Variants in N4BP3 observed in about 807,000 individuals in gnomAD.
N4BP3 encodes NEDD4-binding protein 3.
In N4BP3, 33 loss-of-function variants were observed where a neutral mutation model predicts 43.8. That is an observed-to-expected ratio of 0.75 (90% CI 0.57 to 1.01). The LOEUF is 1.01. N4BP3 is among the 50% of genes least tolerant of loss of function. The pLI, the probability that N4BP3 is intolerant of heterozygous loss-of-function variation, is 0.00. For missense variants in N4BP3, 756 were observed against 744.2 expected (o/e 1.02, Z -0.18); for synonymous variants, 326 against 321.9 (o/e 1.01, Z -0.14).
intron 4 of N4BP3, 40 bp from the exon 5 acceptor site, chr5:178,121,434 C>A: frequency 1.9e-6 from 3 of 1,613,696 alleles, no homozygotes; most frequent in Non-Finnish European, 2.5e-6. Context: ...CAAACCGGCT[C>A]CCCACACCCT....
rs1334361641 is a variant in N4BP3, at chr5:178,118,113, C to G, written c.-30-1441C>G. Among the ~76,000 whole-genome samples, 1 of 152,182 alleles carries G rather than the reference C, an allele frequency of 6.6e-6. No homozygotes were observed. Among genetic ancestry groups the G allele is most frequent in the Non-Finnish European group, 1.5e-5 (1 of 68,032 alleles). On this transcript the variant is annotated intron_variant, in intron 1 of 4. Transcript: ENST00000274605. This position sits in a 1 kb window ranked among gnomAD's most constrained non-coding sequence, Gnocchi z 5.4. Reference sequence around the variant, plus strand: ...AGAAGGTGGCATTTGTTCACTCGGCCAGACCTTTCTGCACGCCCGCTCCAT... The same window carrying G: ...AGAAGGTGGCATTTGTTCACTCGGCGAGACCTTTCTGCACGCCCGCTCCAT...
Position 178,124,338 on chromosome 5 carries a change from G to A in N4BP3, c.*2337G>A, listed in dbSNP as rs1466312344. 5 of 152,710 alleles carry A rather than the reference G, an allele frequency of 3.3e-5. No individual in the cohort carries two copies. The highest frequency in any genetic ancestry group is 9.6e-5 in the African/African-American group (4 of 41,452). The allele number at this position is 152,710 out of a possible 1,614,324, so 9.5% of individuals were successfully genotyped here. Reference sequence around the variant, plus strand: ...GGGAGGGCACGAGAGCTGAACCTGAGCCTGGGGCGTCTCGGAGCTGGATCC... The same window carrying A: ...GGGAGGGCACGAGAGCTGAACCTGAACCTGGGGCGTCTCGGAGCTGGATCC... On this transcript the variant is annotated 3_prime_UTR_variant, in exon 5 of 5. Transcript: ENST00000274605.
Position 178,119,540 on chromosome 5 carries a change from C to T in N4BP3, c.-30-14C>T, listed in dbSNP as rs371811555. 209 of 1,504,770 alleles carry T rather than the reference C, an allele frequency of 1.4e-4. No homozygotes were observed. The highest frequency in any genetic ancestry group is 1.8e-4 in the Non-Finnish European group (202 of 1,124,820). 93.2% of individuals were successfully genotyped at this position (1,504,770 alleles called of 1,614,324 possible). The stretch of plus-strand genomic sequence containing the variant: ...AGTGCTCACCTGCCCCTAATGGAGC[C>T]TCCCAATTCCCAGAAGCAGCTGCCT... On this transcript the variant is annotated splice_polypyrimidine_tract_variant and intron_variant, in intron 1 of 4. Coordinates refer to ENST00000274605, the MANE Select transcript of N4BP3 (RefSeq NM_015111.2).
intron 1 of N4BP3, among the ~76,000 whole-genome samples, chr5:178,117,396 G>T (rs893833319): frequency 1.3e-5 from 2 of 152,086 alleles, no homozygotes; most frequent in Non-Finnish European, 2.9e-5. Context: ...GGGCAGCCAT[G>T]ACCAGCTACG....
rs1356339317 is a variant in N4BP3 at position 178,123,142 on chromosome 5, GTC to G, written c.*1146_*1147del. On this transcript the variant is annotated 3_prime_UTR_variant, in exon 5 of 5. Coordinates refer to ENST00000274605, the MANE Select transcript of N4BP3 (RefSeq NM_015111.2). ...TCCCTAAAACCCACACCTGCCTTTG[GTC>G]TCTCAGAGGCCTGGCTTGCCCTCTG... 3 of 152,366 alleles carry G rather than the reference GTC, an allele frequency of 2.0e-5. No individual in the cohort carries two copies. The highest frequency in any genetic ancestry group is 4.4e-5 in the Non-Finnish European group (3 of 68,168). 9.4% of individuals were successfully genotyped at this position (152,366 alleles called of 1,614,324 possible).
Position 178,123,056 on chromosome 5 carries a change from G to C in N4BP3, c.*1055G>C, listed in dbSNP as rs1757970545. On this transcript the variant is annotated 3_prime_UTR_variant, in exon 5 of 5. Coordinates refer to ENST00000274605, the MANE Select transcript of N4BP3 (RefSeq NM_015111.2). ...GCATTCCCCACCCCACCTTGCCTCT[G>C]TCCTGCGCTGGGCTCCAGGACGGTC... 6.6e-6 allele frequency: 1 copy of C among 152,334 alleles called. No homozygotes were observed. The highest frequency in any genetic ancestry group is 6.5e-5 in the Admixed American group (1 of 15,278). 9.4% of individuals were successfully genotyped at this position (152,334 alleles called of 1,614,324 possible).
Position 178,121,828 on chromosome 5 carries a change from C to T in N4BP3, c.1462C>T (p.Gln488Ter), listed in dbSNP as rs1187633370. ...RGQEQALRFE[Q>*]ERRTWQEEKE... is the part of the protein sequence containing the mutation. ...CCAGGAGCAGGCGCTGCGCTTTGAG[C>T]AGGAGCGGCGGACTTGGCAGGAGGA... Residue 488 changes from glutamine (Q) to a stop codon, truncating the protein, a stop_gained, in exon 5 of 5, where the codon CAG (glutamine) becomes TAG (stop). Coordinates refer to ENST00000274605, the MANE Select transcript of N4BP3 (RefSeq NM_015111.2). LOFTEE classifies it high-confidence loss of function. 6.2e-7 allele frequency: 1 copy of T among 1,608,862 alleles called. No homozygotes were observed.
At chr5:178,114,305 C>T (rs1757720656) in intron 1 of N4BP3, among the ~76,000 whole-genome samples, 1 of 152,226 alleles carries the variant, frequency 6.6e-6, no homozygotes, top group Admixed American at 6.5e-5. Flanking sequence ...ACCTCGTTTG[C>T]CCCTCTGACT....
Position 178,122,281 on chromosome 5 carries a change from C to T in N4BP3, c.*280C>T, listed in dbSNP as rs981955093. The T allele has an allele frequency of 5.0e-6, 2 of 401,258 alleles. No homozygotes were observed. Among genetic ancestry groups the T allele is most frequent in the Non-Finnish European group, 8.9e-6 (2 of 223,778 alleles). 24.9% of individuals were successfully genotyped at this position (401,258 alleles called of 1,614,324 possible). On this transcript the variant is annotated 3_prime_UTR_variant, in exon 5 of 5. Coordinates refer to ENST00000274605, the MANE Select transcript of N4BP3 (RefSeq NM_015111.2). Reference sequence around the variant, plus strand: ...GAAGGAGGCTGGGGGATCACCAGCCCCAAGGTCCCGAAGGGCAGGTCAGAG... The same window carrying T: ...GAAGGAGGCTGGGGGATCACCAGCCTCAAGGTCCCGAAGGGCAGGTCAGAG...
rs938162953 is a variant in N4BP3 at position 178,119,925 on chromosome 5, C to G, written c.330+12C>G. On this transcript the variant is annotated intron_variant, in intron 2 of 4. Coordinates refer to ENST00000274605, the MANE Select transcript of N4BP3 (RefSeq NM_015111.2). Reference sequence around the variant, plus strand: ...GTCGCTTTGACAAGGTGCACCTTTGCCCATGCCCCTTACAAGGTGTGGGGA... The same window carrying G: ...GTCGCTTTGACAAGGTGCACCTTTGGCCATGCCCCTTACAAGGTGTGGGGA... 1.9e-6 allele frequency: 3 copies of G among 1,587,668 alleles called. No homozygotes were observed. Among genetic ancestry groups the G allele is most frequent in the Admixed American group, 1.7e-5 (1 of 58,848 alleles).
At position 178,113,562 on chromosome 5, in the gene N4BP3, G is replaced by C. The variant is rs923499652; in HGVS notation, c.-240G>C. The C allele has an allele frequency of 6.6e-6, 1 of 151,596 alleles. No individual in the cohort carries two copies. The allele number at this position is 151,596 out of a possible 1,614,324, so 9.4% of individuals were successfully genotyped here. A position where few individuals can be genotyped will look rare whatever the true frequency, so the allele number is the denominator to read the frequency against. ...CCCTCCGCCTTTGGGGCAGGCGATC[G>C]AGCGCCGCGGAGCGCGTCCCTCCCT... On this transcript the variant is annotated 5_prime_UTR_variant, in exon 1 of 5. Transcript: ENST00000274605.
chr5:178,114,009 G>A (rs1757710331), intron 1 of N4BP3, among the ~76,000 whole-genome samples: 1 of 152,144 alleles, frequency 6.6e-6, no homozygotes, highest in African/African-American at 2.4e-5. Flanking sequence ...CCGCTGGAGG[G>A]GCAGGCGGCA....
Position 178,118,107 on chromosome 5 carries a change from C to T in N4BP3, c.-30-1447C>T, listed in dbSNP as rs955816446. Among the ~76,000 whole-genome samples the T allele has an allele frequency of 2.0e-5, 3 of 152,182 alleles. No homozygotes were observed. The highest frequency in any genetic ancestry group is 2.9e-5 in the Non-Finnish European group (2 of 68,026). The stretch of plus-strand genomic sequence containing the variant: ...AGGCAGAGAAGGTGGCATTTGTTCA[C>T]TCGGCCAGACCTTTCTGCACGCCCG... On this transcript the variant is annotated intron_variant, in intron 1 of 4. Coordinates refer to ENST00000274605, the MANE Select transcript of N4BP3 (RefSeq NM_015111.2). This position sits in a 1 kb window ranked among gnomAD's most constrained non-coding sequence, Gnocchi z 5.4.
At chr5:178,115,614 C>CGTGTT (rs767727280) in intron 1 of N4BP3, among the ~76,000 whole-genome samples, 6 of 152,196 alleles carry the variant, frequency 3.9e-5, no homozygotes, top group Non-Finnish European at 8.8e-5. Context: ...TGACCTTAGG[C>CGTGTT]GTGTTACTTC....
At position 178,117,120 on chromosome 5, in the gene N4BP3, G is replaced by A. The variant is rs187926219; in HGVS notation, c.-30-2434G>A. Among the ~76,000 whole-genome samples, 189 of 152,218 alleles carry A rather than the reference G, an allele frequency of 1.2e-3. 1 individual carries two copies. The highest frequency in any genetic ancestry group is 4.4e-3 in the African/African-American group (182 of 41,530). ...GAGCCACCATGCCTGGCCCTTTCCC[G>A]CTTCAGAGATGCAGAAACTGAGGCA... is the stretch of plus-strand genomic sequence containing the variant. On this transcript the variant is annotated intron_variant, in intron 1 of 4. Transcript: ENST00000274605.
chr5:178,126,810 C>T (rs549256507), downstream of N4BP3, among the ~76,000 whole-genome samples: 1 of 152,294 alleles, frequency 6.6e-6, no homozygotes, highest in South Asian at 2.1e-4. Flanking sequence ...GACTGGGCTG[C>T]TTGAGAGGTT....
downstream of N4BP3, among the ~76,000 whole-genome samples, chr5:178,126,967 A>AGT (rs1340314829): frequency 6.6e-6 from 1 of 152,174 alleles, no homozygotes; most frequent in Non-Finnish European, 1.5e-5. Context: ...GGCCCTTACT[A>AGT]GAGTCTCACA....
rs369295085 is a variant in N4BP3 at position 178,121,861 on chromosome 5, C to T, written c.1495C>T (p.Arg499Cys). The T allele has an allele frequency of 6.2e-7, 1 of 1,607,806 alleles. No individual in the cohort carries two copies. Among genetic ancestry groups the T allele is most frequent in the East Asian group, 2.2e-5 (1 of 44,682 alleles). Residue 499 changes from arginine to cysteine, a missense_variant, in exon 5 of 5, where the codon CGC becomes TGC. Physicochemically the swap from Arg to Cys is radical, Grantham distance 180 (BLOSUM62 -3). Coordinates refer to ENST00000274605, the MANE Select transcript of N4BP3 (RefSeq NM_015111.2). ...GCGGACTTGGCAGGAGGAGAAGGAG[C>T]GCGTGCTGCGCTACCAGCGGGAGAT... The part of the protein sequence containing the change: ...ERRTWQEEKE[R>C]VLRYQREIQG...
rs1490337845 is a variant in N4BP3, at chr5:178,124,794, C to G, written c.*2793C>G. On this transcript the variant is annotated 3_prime_UTR_variant, in exon 5 of 5. Transcript: ENST00000274605. ...TGTAGCCCTCTGAGCCCTCATCCTGCAGGCAGAGCCCCTCAGTGCTCTGAG... is the reference window on the plus strand; with the variant it reads ...TGTAGCCCTCTGAGCCCTCATCCTGGAGGCAGAGCCCCTCAGTGCTCTGAG... 6.6e-6 allele frequency: 1 copy of G among 152,594 alleles called. No individual in the cohort carries two copies. The highest frequency in any genetic ancestry group is 1.5e-5 in the Non-Finnish European group (1 of 68,328). The allele number at this position is 152,594 out of a possible 1,614,324, so 9.5% of individuals were successfully genotyped here.
Sources: allele counts gnomAD v4.1 joint callset (sites outside exome capture counted in the v4.1 genomes callset), GRCh38; gene constraint gnomAD v4.1.1; non-coding constraint Gnocchi (gnomAD v3.1); transcripts MANE v1.5; gene names NCBI Gene and HGNC (gene_info 2026-07-23, HGNC 2026-07-21).